Variants in LPA observed in about 807,000 individuals in gnomAD.
The protein encoded by LPA is lipoprotein(a).
In LPA, 199 loss-of-function variants were observed where a neutral mutation model predicts 197.9. The observed-to-expected ratio is 1.01, with a 90% confidence interval of 0.90 to 1.13. LPA has a LOEUF of 1.13. Among genes scored for constraint, LPA ranks in the 50% most tolerant of loss-of-function variants. The pLI is 0.00. For missense variants in LPA, 1,853 were observed against 1,785.8 expected (o/e 1.04, Z -0.68); for synonymous variants, 715 against 639.5 (o/e 1.12, Z -1.78).
intron 12 of LPA, among the ~76,000 whole-genome samples, chr6:160,621,038 CT>C (rs1253268764): frequency 3.7e-5 from 4 of 108,616 alleles, no homozygotes; most frequent in South Asian, 2.9e-4. Context: ...TTAAGACATA[CT>C]TTTTTTATAC....
Position 160,541,118 on chromosome 6 carries a change from G to A in LPA, c.5583C>T (p.His1861=). The A allele has an allele frequency of 1.9e-6, 3 of 1,614,112 alleles. No individual in the cohort carries two copies. Among genetic ancestry groups the A allele is most frequent in the Non-Finnish European group, 2.5e-6 (3 of 1,179,948 alleles). The change falls in exon 35 of 39, where the codon CAC becomes CAT. Residue 1861 remains histidine (H), a synonymous_variant. Transcript: ENST00000316300. ...ISPEWVLTAA[H]CLKKSSRPSS... ...TCCCTTAAACGTACTTCTTCAAGCA[G>A]TGAGCAGCAGTCAGCACCCACTCTG...
chr6:160,589,800 A>AT, intron 23 of LPA, 88 bp from the exon 24 acceptor site: 1 of 1,471,820 alleles, frequency 6.8e-7, no homozygotes, highest in Admixed American at 1.7e-5. Flanking sequence ...ACAGGACATC[A>AT]TCTCTGAAAA....
chr6:160,653,152 T>G (rs574392634), intron 1 of LPA, among the ~76,000 whole-genome samples: 2 of 152,182 alleles, frequency 1.3e-5, no homozygotes, highest in Non-Finnish European at 2.9e-5. Context: ...TCAGCACAAA[T>G]AGACTTCAGA....
chr6:160,565,959 CGAGAA>C (rs1387512763), intron 28 of LPA, among the ~76,000 whole-genome samples: 1 of 151,624 alleles, frequency 6.6e-6, no homozygotes, highest in Non-Finnish European at 1.5e-5. Context: ...TGAAATGAAG[CGAGAA>C]GAGAAGTTTA....
In LPA at chr6:160,541,164, C is replaced by G; in HGVS notation, c.5537G>C (p.Cys1846Ser). 2.5e-6 allele frequency: 4 copies of G among 1,614,014 alleles called. No homozygotes were observed. The highest frequency in any genetic ancestry group is 3.4e-6 in the Non-Finnish European group (4 of 1,179,850). ...CTCTGGGGATATTAAGGTGCCTCCACAGAAGTGCTTTCCAAACCTAGAAAG... is the reference window on the plus strand; with the variant it reads ...CTCTGGGGATATTAAGGTGCCTCCAGAGAAGTGCTTTCCAAACCTAGAAAG... ...SLRTRFGKHF[C>S]GGTLISPEWV... Residue 1846 changes from cysteine to serine, a missense_variant, in exon 35 of 39, where the codon TGT becomes TCT. Physicochemically the swap from Cys to Ser is moderately radical, Grantham distance 112 (BLOSUM62 -1). This residue lies in a region of LPA where 1,737 missense variants were observed against 1,504.4 expected (regional missense o/e 1.15). Coordinates refer to ENST00000316300, the MANE Select transcript of LPA (RefSeq NM_005577.4).
At chr6:160,565,265 C>T (rs1778431465) in intron 28 of LPA, among the ~76,000 whole-genome samples, 1 of 152,182 alleles carries the variant, frequency 6.6e-6, no homozygotes, top group Non-Finnish European at 1.5e-5. Context: ...AACTGGGGGA[C>T]ACCTCCCAGT....
intron 1 of LPA, among the ~76,000 whole-genome samples, chr6:160,653,980 TA>T (rs1357063991): frequency 4.9e-4 from 9 of 18,200 alleles, no homozygotes; most frequent in South Asian, 1.5e-3. Flanking sequence ...ATATAATATA[TA>T]ATATATAATA....
chr6:160,591,036 T>A lies in LPA; in HGVS notation c.3695A>T (p.Asp1232Val), dbSNP rs1562334758. Residue 1232 changes from aspartate (D) to valine (V), a missense_variant, in exon 23 of 39, where the codon GAT becomes GTT. By Grantham distance (152) the Asp-to-Val change is radical. Transcript: ENST00000316300. ...AEISPWCYTM[D>V]PNVRWEYCNL... is the part of the protein sequence containing the mutation. ...GCAGTACTCCCATCTGACATTGGGA[T>A]CCATGGTATAACACCAAGGACTAAT... The A allele has an allele frequency of 9.9e-6, 16 of 1,613,842 alleles. No individual in the cohort carries two copies. The highest frequency in any genetic ancestry group is 1.3e-5 in the Non-Finnish European group (15 of 1,179,928).
At chr6:160,559,357 G>C (rs192842218) in intron 28 of LPA, among the ~76,000 whole-genome samples, 3 of 152,186 alleles carry the variant, frequency 2.0e-5, no homozygotes, top group Non-Finnish European at 2.9e-5. Context: ...AAGATACTCA[G>C]TGCTGAATAG....
chr6:160,610,355 T>G lies in LPA; in HGVS notation c.2603+1207A>C, dbSNP rs148317303. 6.0e-3 allele frequency among the ~76,000 whole-genome samples: 919 copies of G among 152,272 alleles called. 16 individuals carry two copies. The highest frequency in any genetic ancestry group is 0.021 in the African/African-American group (858 of 41,524). Reference sequence around the variant, plus strand: ...GTGCAAGGGGTTGTCTGCAGCTGCCTTTATTCTAGTAATATACTAATTGTA... The same window carrying G: ...GTGCAAGGGGTTGTCTGCAGCTGCCGTTATTCTAGTAATATACTAATTGTA... On this transcript the variant is annotated intron_variant, in intron 16 of 38. Coordinates refer to ENST00000316300, the MANE Select transcript of LPA (RefSeq NM_005577.4).
At chr6:160,589,010 C>G (rs922124994) in intron 24 of LPA, among the ~76,000 whole-genome samples, 1 of 152,230 alleles carries the variant, frequency 6.6e-6, no homozygotes, top group African/African-American at 2.4e-5. Flanking sequence ...CTTCCTGACT[C>G]TCAGCTGCCT....
chr6:160,564,114 T>C (rs891871770), intron 28 of LPA, among the ~76,000 whole-genome samples: 4 of 152,234 alleles, frequency 2.6e-5, no homozygotes, highest in South Asian at 2.1e-4. Flanking sequence ...ATTATGATGC[T>C]AGCTGGCTAT....
chr6:160,569,135 T>A (rs1314585730), intron 28 of LPA, among the ~76,000 whole-genome samples: 1 of 152,150 alleles, frequency 6.6e-6, no homozygotes, highest in Non-Finnish European at 1.5e-5. Flanking sequence ...AAAACTACTT[T>A]AAAGTTCATA....
At chr6:160,575,440 CAT>C (rs1487821044) in intron 28 of LPA, among the ~76,000 whole-genome samples, 1 of 152,158 alleles carries the variant, frequency 6.6e-6, no homozygotes, top group Non-Finnish European at 1.5e-5. Context: ...ATTTATGTCA[CAT>C]ATTGTGGATG....
chr6:160,620,982 TG>T (rs1779613174), intron 12 of LPA, among the ~76,000 whole-genome samples: 1 of 96,084 alleles, frequency 1.0e-5, no homozygotes, highest in Non-Finnish European at 2.1e-5. Context: ...TGTTTTCCTC[TG>T]AAACGTCTAA....
At chr6:160,576,332 GTGTGTGTGTATA>G (rs1288898159) in intron 28 of LPA, among the ~76,000 whole-genome samples, 91 of 79,260 alleles carry the variant, frequency 1.1e-3, no homozygotes, top group African/African-American at 3.2e-3. Flanking sequence ...GTGTGTGTGT[GTGTGTGTGTATA>G]TATATATATA....
chr6:160,570,093 T>C (rs1325736835), intron 28 of LPA, among the ~76,000 whole-genome samples: 1 of 152,234 alleles, frequency 6.6e-6, no homozygotes, highest in Non-Finnish European at 1.5e-5. Context: ...CTCAAGGATT[T>C]AGAACTAGAA....
intron 36 of LPA, 39 bp from the exon 37 acceptor site, chr6:160,538,000 G>A (rs1777920165): frequency 1.3e-6 from 2 of 1,558,018 alleles, no homozygotes; most frequent in African/African-American, 2.7e-5. Flanking sequence ...TCACTGCCCA[G>A]CTGGAAGTGG....
intron 28 of LPA, among the ~76,000 whole-genome samples, chr6:160,570,250 G>A (rs1778538684): frequency 6.6e-6 from 1 of 152,168 alleles, no homozygotes; most frequent in Admixed American, 6.5e-5. Context: ...GTCCATCAAT[G>A]GTAGACTGGA....
Sources: gnomAD v4.1 joint callset for allele counts (sites outside exome capture counted in the v4.1 genomes callset) on GRCh38, gnomAD v4.1.1 for gene constraint, gnomAD v4.1.1 regional missense constraint, MANE v1.5 for transcripts, NCBI Gene and HGNC (gene_info 2026-07-23, HGNC 2026-07-21) for gene names.